The following HHIPL2 variants were observed in gnomAD, a reference collection of about 807,000 sequenced individuals.
The protein encoded by HHIPL2 is HHIP like 2, also known as HHIP-like protein 2.
HHIPL2 carries 61 observed loss-of-function variants against 61.0 expected under a neutral mutation model. The observed-to-expected ratio is 1.00, with a 90% CI of 0.81 to 1.24. HHIPL2 has a LOEUF of 1.24. Ranked by LOEUF, HHIPL2 falls within the 50% of genes most tolerant of loss-of-function variation. The probability of loss-of-function intolerance (pLI) is 0.00; values close to 1 mark genes in which losing one functional copy is unlikely to be tolerated. For synonymous variants in HHIPL2, 343 were observed against 357.4 expected, an observed-to-expected ratio of 0.96 and a Z score of 0.45; for missense variants, 885 against 910.2, an observed-to-expected ratio of 0.97 and a Z score of 0.36.
chr1:222,527,910 A>T (rs1414718257), intron 6 of HHIPL2, among the ~76,000 whole-genome samples: 1 of 152,196 alleles, frequency 6.6e-6, no homozygotes, highest in Non-Finnish European at 1.5e-5. Flanking sequence ...CTTCCCAGCC[A>T]TGTGGAACTG....
chr1:222,523,702 C>A lies in HHIPL2; in HGVS notation c.1806-8G>T. 1 of 1,614,058 alleles carries A rather than the reference C, an allele frequency of 6.2e-7. No individual in the cohort carries two copies. Among genetic ancestry groups the A allele is most frequent in the Non-Finnish European group, 8.5e-7 (1 of 1,179,938 alleles). On this transcript the variant is annotated splice_region_variant and splice_polypyrimidine_tract_variant and intron_variant, in intron 7 of 8. Coordinates refer to ENST00000343410, the MANE Select transcript of HHIPL2 (RefSeq NM_024746.4). ...TTGCCTGGGGGTGCTCGCCTAAAAA[C>A]ACAAACAGAAAGCATGAGGACGCAA... is the stretch of plus-strand genomic sequence containing the variant.
intron 4 of HHIPL2, 137 bp downstream of exon 4, chr1:222,539,873 G>T: frequency 1.4e-6 from 1 of 699,278 alleles, no homozygotes; most frequent in Non-Finnish European, 2.4e-6. Flanking sequence ...ACCGGTTGGA[G>T]AAGCACTACA....
rs373452655 is a variant in HHIPL2 at position 222,538,195 on chromosome 1, G to GGTGTGTGTGTGTGT, written c.1577+439_1577+452dup. On this transcript the variant is annotated intron_variant, in intron 5 of 8. Transcript: ENST00000343410. ...GGTGAGAGTGCTTATCTCTGGCTGG[G>GGTGTGTGTGTGTGT]GTGTGTGTGTGTGTGTGTGTGTGTG... Among the ~76,000 whole-genome samples the GGTGTGTGTGTGTGT allele has an allele frequency of 3.7e-3, 498 of 136,326 alleles. 5 individuals carry two copies. The highest frequency in any genetic ancestry group is 5.1e-3 in the Non-Finnish European group (320 of 63,202). The allele number at this position is 136,326 out of a possible 152,430, so 89.4% of individuals were successfully genotyped here. A position where few individuals can be genotyped will look rare whatever the true frequency, so the allele number is the denominator to read the frequency against.
Position 222,522,284 on chromosome 1 carries a change from T to C in HHIPL2, c.*317A>G, listed in dbSNP as rs1658968784. On this transcript the variant is annotated 3_prime_UTR_variant, in exon 9 of 9. Coordinates refer to ENST00000343410, the MANE Select transcript of HHIPL2 (RefSeq NM_024746.4). ...GCCAGTTTGAGCAAATGTTGATTTA[T>C]TACCTCAGGTTGTAGGCATTTACAA... is the stretch of plus-strand genomic sequence containing the variant. The C allele has an allele frequency of 2.9e-6, 1 of 347,356 alleles. No individual in the cohort carries two copies. 21.5% of individuals were successfully genotyped at this position (347,356 alleles called of 1,614,324 possible). A position where few individuals can be genotyped will look rare whatever the true frequency, so the allele number is the denominator to read the frequency against.
intron 4 of HHIPL2, among the ~76,000 whole-genome samples, chr1:222,539,690 A>G (rs370053762): frequency 2.0e-5 from 3 of 152,218 alleles, no homozygotes; most frequent in African/African-American, 7.2e-5. Context: ...TCTCAAAATA[A>G]TATGCCTAAA....
chr1:222,539,858 G>A (rs1214225150), intron 4 of HHIPL2, 152 bp downstream of exon 4: 5 of 645,186 alleles, frequency 7.7e-6, no homozygotes, highest in Non-Finnish European at 1.3e-5. Flanking sequence ...GTGAGTGGCT[G>A]GAGGACCGGT....
In HHIPL2 at chr1:222,539,949, TACCTCC is replaced by T; in HGVS notation, c.1450+55_1450+60del. 3 of 1,393,776 alleles carry T rather than the reference TACCTCC, an allele frequency of 2.2e-6. No homozygotes were observed. In the South Asian group the frequency reaches 3.8e-5, roughly 18 times the overall value. 86.3% of individuals were successfully genotyped at this position (1,393,776 alleles called of 1,614,324 possible). On this transcript the variant is annotated intron_variant, in intron 4 of 8. Transcript: ENST00000343410. ...GGCAGGACATTCAGGTTTTATTCCC[TACCTCC>T]ACCTCCAGCCCACTCAACTCATCCA...
Position 222,538,731 on chromosome 1 carries a change from CTT to C in HHIPL2, c.1492_1493del (p.Lys498ValfsTer12). On this transcript the variant is annotated frameshift_variant, in exon 5 of 9. Transcript: ENST00000343410. LOFTEE classifies it high-confidence loss of function. ...PIYAYGHAVG[K>X]SVTGGYVYRG... ...GATAGACATAACCTCCAGTGACTGA[CTT>C]CCCCACTGCATGGCCATAAGCATAG... The C allele has an allele frequency of 6.2e-7, 1 of 1,614,086 alleles. No homozygotes were observed. Among genetic ancestry groups the C allele is most frequent in the Non-Finnish European group, 8.5e-7 (1 of 1,179,930 alleles).
intron 1 of HHIPL2, among the ~76,000 whole-genome samples, chr1:222,545,995 A>G (rs1659546013): frequency 6.6e-6 from 1 of 152,076 alleles, no homozygotes; most frequent in Non-Finnish European, 1.5e-5. Context: ...TAGTCAGCCA[A>G]GACCGTGCCA....
At chr1:222,531,837 TA>T in intron 6 of HHIPL2, 128 bp downstream of exon 6, 1 of 797,046 alleles carries the variant, frequency 1.3e-6, no homozygotes. Flanking sequence ...CAGTACATTA[TA>T]AAAGATGACT....
chr1:222,544,029 T>TGA lies in HHIPL2; in HGVS notation c.480_481dup (p.His161LeufsTer26), dbSNP rs780602017. On this transcript the variant is annotated frameshift_variant, in exon 2 of 9. Transcript: ENST00000343410. LOFTEE classifies it high-confidence loss of function. ...GCAGAAGCGGGTACCGTCCCTTCCA[T>TGA]GAGACTCCTGGAGGCCGCGGTCATT... 2.5e-6 allele frequency: 4 copies of TGA among 1,613,964 alleles called. No individual in the cohort carries two copies.
intron 5 of HHIPL2, among the ~76,000 whole-genome samples, chr1:222,538,105 A>G (rs759552192): frequency 1.3e-5 from 2 of 152,172 alleles, no homozygotes; most frequent in Non-Finnish European, 2.9e-5. Flanking sequence ...CCAAGCACAA[A>G]AAGAAGAGTA....
At chr1:222,536,766 A>T (rs1231048755) in intron 5 of HHIPL2, among the ~76,000 whole-genome samples, 3 of 152,142 alleles carry the variant, frequency 2.0e-5, no homozygotes, top group Non-Finnish European at 2.9e-5. Context: ...TGTAAAAAGG[A>T]TGGGGCCGGG....
At chr1:222,539,063 C>G in intron 4 of HHIPL2, 1 of 378,480 alleles carries the variant, frequency 2.6e-6, no homozygotes, top group Non-Finnish European at 4.8e-6. Context: ...AGTTTTCCCC[C>G]TAGGTTGATA....
intron 7 of HHIPL2, among the ~76,000 whole-genome samples, chr1:222,525,921 C>T (rs926366376): frequency 5.3e-5 from 8 of 152,010 alleles, no homozygotes; most frequent in African/African-American, 1.9e-4. Flanking sequence ...ATAGCTTGAA[C>T]CCAGGAGGCA....
intron 6 of HHIPL2, among the ~76,000 whole-genome samples, chr1:222,527,395 C>T (rs751662967): frequency 4.1e-4 from 63 of 152,208 alleles, no homozygotes; most frequent in Non-Finnish European, 7.2e-4. Flanking sequence ...CACCTCTTTC[C>T]TCTGTGAACA....
At chr1:222,534,669 TAC>T (rs10650864) in intron 5 of HHIPL2, among the ~76,000 whole-genome samples, 4,656 of 148,034 alleles carry the variant, frequency 0.031, 227 homozygotes, top group African/African-American at 0.11. Flanking sequence ...ACATTGAGAT[TAC>T]ACACACACAC....
rs755073197 is a variant in HHIPL2, at chr1:222,522,568, C to T, written c.*33G>A. 6.3e-7 allele frequency: 1 copy of T among 1,599,514 alleles called. No individual in the cohort carries two copies. Among genetic ancestry groups the T allele is most frequent in the Non-Finnish European group, 8.5e-7 (1 of 1,175,228 alleles). ...ATTTGATGAGGTGGCTCTCCTCTCT[C>T]ACGTCACCCTGTCGGCCACCTTGAC... On this transcript the variant is annotated 3_prime_UTR_variant, in exon 9 of 9. Coordinates refer to ENST00000343410, the MANE Select transcript of HHIPL2 (RefSeq NM_024746.4).
At chr1:222,542,267 C>A (rs959809068) in intron 2 of HHIPL2, 112 bp from the exon 3 acceptor site, 2 of 1,236,424 alleles carry the variant, frequency 1.6e-6, no homozygotes, top group Non-Finnish European at 2.3e-6. Context: ...CCAAGCCAGC[C>A]AAGACCTGCT....
Sources: allele counts gnomAD v4.1 joint callset (sites outside exome capture counted in the v4.1 genomes callset), GRCh38; gene constraint gnomAD v4.1.1; transcripts MANE v1.5; gene names NCBI Gene and HGNC (gene_info 2026-07-23, HGNC 2026-07-21).